Variants in BRWD1 observed in about 807,000 individuals in gnomAD.
BRWD1 encodes bromodomain and WD repeat domain containing 1, also known as bromodomain and WD repeat-containing protein 1.
In BRWD1, 82 loss-of-function variants were observed where a neutral mutation model predicts 251.2. The ratio of observed to expected loss-of-function variants is 0.33; its 90% CI spans 0.27 to 0.39. BRWD1 has a LOEUF of 0.39. Ranked by LOEUF, BRWD1 falls within the 10% of genes least tolerant of loss-of-function variation. The pLI, the probability that BRWD1 is intolerant of heterozygous loss-of-function variation, is 1.00. For synonymous variants in BRWD1, 918 were observed against 902.8 expected (o/e 1.02, Z -0.30); for missense variants, 2,233 against 2,711.6 (o/e 0.82, Z 3.92).
At chr21:39,228,615 C>T in intron 26 of BRWD1, 33 bp from the exon 27 acceptor site, 1 of 1,278,412 alleles carries the variant, frequency 7.8e-7, no homozygotes, top group South Asian at 1.2e-5. Flanking sequence ...GTTAAACTCT[C>T]TACATAGCAG....
chr21:39,292,125 GT>G (rs140911330), intron 8 of BRWD1, among the ~76,000 whole-genome samples: 63 of 23,616 alleles, frequency 2.7e-3, no homozygotes, highest in Admixed American at 0.011. Flanking sequence ...TGGGGGGTGG[GT>G]GGGGGTGGGG....
At chr21:39,240,170 C>T (rs1015612743) in intron 21 of BRWD1, among the ~76,000 whole-genome samples, 3 of 152,176 alleles carry the variant, frequency 2.0e-5, no homozygotes, top group African/African-American at 7.2e-5. Context: ...TATATGATTC[C>T]AATTACATGG....
At position 39,222,906 on chromosome 21, in the gene BRWD1, T is replaced by C. The variant is rs142741297; in HGVS notation, c.3382+1502A>G. 3.2e-3 allele frequency among the ~76,000 whole-genome samples: 489 copies of C among 152,068 alleles called. 2 individuals are homozygous for C. Among genetic ancestry groups the C allele is most frequent in the African/African-American group, 0.011 (447 of 41,470 alleles). ...TCAAATTATTAAAATCCTAAAATAATTGCACTGAGAAAGACACATTACCTT... is the reference window on the plus strand; with the variant it reads ...TCAAATTATTAAAATCCTAAAATAACTGCACTGAGAAAGACACATTACCTT... On this transcript the variant is annotated intron_variant, in intron 29 of 40. Coordinates refer to ENST00000342449, the MANE Select transcript of BRWD1 (RefSeq NM_033656.4).
intron 17 of BRWD1, among the ~76,000 whole-genome samples, chr21:39,259,785 C>G (rs2034681581): frequency 6.6e-6 from 1 of 151,924 alleles, no homozygotes; most frequent in Non-Finnish European, 1.5e-5. Context: ...TGCAGTGAGC[C>G]AAGATTATGC....
At position 39,191,305 on chromosome 21, in the gene BRWD1, C is replaced by A. The variant is rs1476453731; in HGVS notation, c.*4954G>T. On this transcript the variant is annotated 3_prime_UTR_variant, in exon 41 of 41. Coordinates refer to ENST00000342449, the MANE Select transcript of BRWD1 (RefSeq NM_033656.4). ...CGCTCGCACCCCTATATTCTGCCTG[C>A]ATGAAAAGAAATTACCAGTGGAAAA... 1 of 985,112 alleles carries A rather than the reference C, an allele frequency of 1.0e-6. No homozygotes were observed. Among genetic ancestry groups the A allele is most frequent in the Non-Finnish European group, 1.2e-6 (1 of 829,896 alleles). The allele number at this position is 985,112 out of a possible 1,614,324, so 61.0% of individuals were successfully genotyped here. A position where few individuals can be genotyped will look rare whatever the true frequency, so the allele number is the denominator to read the frequency against.
At chr21:39,307,731 T>C (rs1353548782) in intron 4 of BRWD1, among the ~76,000 whole-genome samples, 2 of 152,190 alleles carry the variant, frequency 1.3e-5, no homozygotes, top group African/African-American at 4.8e-5. Flanking sequence ...AAAACCCCTT[T>C]AAAACAAAAA....
chr21:39,299,523 A>C (rs1398135297), intron 4 of BRWD1, among the ~76,000 whole-genome samples: 2 of 152,192 alleles, frequency 1.3e-5, no homozygotes, highest in African/African-American at 4.8e-5. Flanking sequence ...ATAATCATTT[A>C]TTTACTCCAA....
intron 40 of BRWD1, 148 bp from the exon 41 acceptor site, chr21:39,197,563 T>C (rs1379875544): frequency 1.5e-6 from 1 of 653,032 alleles, no homozygotes; most frequent in African/African-American, 1.8e-5. Context: ...TATAGTCATA[T>C]GTTGCTCAAC....
chr21:39,309,098 C>T (rs1241993956), intron 4 of BRWD1, among the ~76,000 whole-genome samples: 3 of 150,998 alleles, frequency 2.0e-5, no homozygotes, highest in Non-Finnish European at 3.0e-5. Flanking sequence ...CGCTTGAACC[C>T]GGGAGGCAGA....
At chr21:39,199,876 G>A (rs903972022) in intron 39 of BRWD1, among the ~76,000 whole-genome samples, 3 of 152,080 alleles carry the variant, frequency 2.0e-5, no homozygotes, top group Non-Finnish European at 2.9e-5. Context: ...TCAGCCTCCT[G>A]AGTAGCTGGG....
At chr21:39,318,256 A>G (rs2036717772), upstream of BRWD1, among the ~76,000 whole-genome samples, 1 of 152,296 alleles carries the variant, frequency 6.6e-6, no homozygotes, top group Non-Finnish European at 1.5e-5. Flanking sequence ...AATTCACATA[A>G]GAGAGTGGTC....
Position 39,229,301 on chromosome 21 carries a change from A to G in BRWD1, c.3125+11T>C, listed in dbSNP as rs767529449. On this transcript the variant is annotated intron_variant, in intron 26 of 40. Coordinates refer to ENST00000342449, the MANE Select transcript of BRWD1 (RefSeq NM_033656.4). ...AATTTAAGTAATTCCATTTTAAAAA[A>G]TAATACATACCTAATAGAGAAAGAT... 1.3e-5 allele frequency: 20 copies of G among 1,577,320 alleles called. No individual in the cohort carries two copies. In the Admixed American group the frequency reaches 1.8e-4, roughly 14 times the overall value.
chr21:39,279,717 G>T (rs1290850590), intron 9 of BRWD1, among the ~76,000 whole-genome samples: 3 of 149,338 alleles, frequency 2.0e-5, no homozygotes, highest in Admixed American at 6.7e-5. Flanking sequence ...TTAATCAATT[G>T]TAAGTTTTAA....
intron 8 of BRWD1, among the ~76,000 whole-genome samples, chr21:39,287,525 T>C (rs192096627): frequency 6.6e-6 from 1 of 152,354 alleles, no homozygotes; most frequent in Admixed American, 6.5e-5. Flanking sequence ...TTCTCTGTAT[T>C]AACCTTCAAT....
At chr21:39,268,333 C>T (rs895834131) in intron 15 of BRWD1, among the ~76,000 whole-genome samples, 11 of 151,212 alleles carry the variant, frequency 7.3e-5, no homozygotes, top group African/African-American at 2.4e-4. Context: ...CCCAGCTATT[C>T]GGGAGGCTGA....
At chr21:39,283,772 C>T (rs1419367490) in intron 8 of BRWD1, among the ~76,000 whole-genome samples, 2 of 152,212 alleles carry the variant, frequency 1.3e-5, no homozygotes, top group Non-Finnish European at 2.9e-5. Flanking sequence ...TGCAGTATCA[C>T]TGACATACAA....
Position 39,278,952 on chromosome 21 carries a change from C to A in BRWD1, c.933-139G>T, listed in dbSNP as rs1361737513. ...GTCTCGCCATGTTGCCCACACTAGA[C>A]ACAAACTCTTGGGCTCAAGGGACCC... On this transcript the variant is annotated intron_variant, in intron 9 of 40. Coordinates refer to ENST00000342449, the MANE Select transcript of BRWD1 (RefSeq NM_033656.4). 7 of 626,990 alleles carry A rather than the reference C, an allele frequency of 1.1e-5. 1 individual carries two copies. The South Asian group carries it at 3.4e-4, about 31-fold the overall frequency. The allele number at this position is 626,990 out of a possible 1,614,324, so 38.8% of individuals were successfully genotyped here.
rs1219954504 is a variant in BRWD1 at position 39,232,320 on chromosome 21, C to T, written c.2893-36G>A. The T allele has an allele frequency of 3.1e-6, 5 of 1,605,106 alleles. No homozygotes were observed. In the South Asian group the frequency reaches 3.4e-5, roughly 11 times the overall value. On this transcript the variant is annotated intron_variant, in intron 24 of 40. Coordinates refer to ENST00000342449, the MANE Select transcript of BRWD1 (RefSeq NM_033656.4). The stretch of plus-strand genomic sequence containing the variant: ...GAAATATGCATTTAAAAATTAAGAG[C>T]AATATAAACTTTATGTTCCATATTC...
rs932413734 is a variant in BRWD1 at position 39,190,931 on chromosome 21, C to T, written c.*5328G>A. 1 of 985,138 alleles carries T rather than the reference C, an allele frequency of 1.0e-6. No individual in the cohort carries two copies. The highest frequency in any genetic ancestry group is 1.7e-5 in the African/African-American group (1 of 57,208). 61.0% of individuals were successfully genotyped at this position (985,138 alleles called of 1,614,324 possible). Reference sequence around the variant, plus strand: ...AATTTTTGTTCTTATTCTGGAACTACAACTAATCTAGCTCATCACAATACA... The same window carrying T: ...AATTTTTGTTCTTATTCTGGAACTATAACTAATCTAGCTCATCACAATACA... On this transcript the variant is annotated 3_prime_UTR_variant, in exon 41 of 41. Coordinates refer to ENST00000342449, the MANE Select transcript of BRWD1 (RefSeq NM_033656.4).
Sources: allele counts gnomAD v4.1 joint callset (sites outside exome capture counted in the v4.1 genomes callset), GRCh38; gene constraint gnomAD v4.1.1; transcripts MANE v1.5; gene names NCBI Gene and HGNC (gene_info 2026-07-23, HGNC 2026-07-21).